Variants in RMND5A observed in about 807,000 individuals in gnomAD.
RMND5A encodes the protein E3 ubiquitin-protein transferase RMND5A.
Under a neutral mutation model 49.7 loss-of-function variants are expected in RMND5A, and 17 were observed. The observed-to-expected ratio is 0.34, with a 90% CI of 0.23 to 0.51. RMND5A has a LOEUF of 0.51. RMND5A is among the 20% of genes least tolerant of loss of function. The pLI is 0.96. For synonymous variants in RMND5A, 156 were observed against 167.7 expected, an observed-to-expected ratio of 0.93 and a Z score of 0.54; for missense variants, 255 against 471.3, an observed-to-expected ratio of 0.54 and a Z score of 4.25.
At chr2:86,761,573 G>A (rs1230248211) in intron 4 of RMND5A, among the ~76,000 whole-genome samples, 1 of 152,186 alleles carries the variant, frequency 6.6e-6, no homozygotes, top group African/African-American at 2.4e-5. Context: ...ATGACATTTT[G>A]CCAGGGAGGG....
At chr2:86,757,116 GT>G (rs1225543504) in intron 4 of RMND5A, among the ~76,000 whole-genome samples, 4 of 150,210 alleles carry the variant, frequency 2.7e-5, no homozygotes, top group Non-Finnish European at 5.9e-5. Context: ...GGAGGTTGCG[GT>G]GAGCCAAGAT....
Position 86,744,135 on chromosome 2 carries a change from T to G in RMND5A, c.285+3066T>G, listed in dbSNP as rs538469518. Reference sequence around the variant, plus strand: ...ACACACTCTCCCCGTATTTTTGGCATCTACTTGGCCTCAGCTGAAGAGGAA... The same window carrying G: ...ACACACTCTCCCCGTATTTTTGGCAGCTACTTGGCCTCAGCTGAAGAGGAA... On this transcript the variant is annotated intron_variant, in intron 2 of 8. Coordinates refer to ENST00000283632, the MANE Select transcript of RMND5A (RefSeq NM_022780.4). 2.0e-3 allele frequency among the ~76,000 whole-genome samples: 301 copies of G among 152,280 alleles called. 1 individual carries two copies. Among genetic ancestry groups the G allele is most frequent in the African/African-American group, 6.5e-3 (272 of 41,552 alleles).
intron 1 of RMND5A, 47 bp downstream of exon 1, chr2:86,720,856 C>G (rs1324815210): frequency 6.7e-7 from 1 of 1,503,048 alleles, no homozygotes; most frequent in African/African-American, 1.4e-5. Context: ...ACTGCCCGAG[C>G]CCCGGTCCCG....
intron 2 of RMND5A, among the ~76,000 whole-genome samples, chr2:86,746,925 G>A (rs1159139929): frequency 6.6e-6 from 1 of 152,168 alleles, no homozygotes; most frequent in Non-Finnish European, 1.5e-5. Flanking sequence ...GGAGAATATG[G>A]AATGTCTACA....
rs1264009565 is a variant in RMND5A, at chr2:86,777,622, T to C, written c.*4211T>C. On this transcript the variant is annotated 3_prime_UTR_variant, in exon 9 of 9. Transcript: ENST00000283632. ...TTGCTTACCCCGTGCTCTTGGGTTC[T>C]ATAGTATTTCTATAATTATGTAACG... 2 of 152,262 alleles carry C rather than the reference T, an allele frequency of 1.3e-5. No homozygotes were observed. The highest frequency in any genetic ancestry group is 2.4e-5 in the African/African-American group (1 of 41,474). The allele number at this position is 152,262 out of a possible 1,614,324, so 9.4% of individuals were successfully genotyped here. A position where few individuals can be genotyped will look rare whatever the true frequency, so the allele number is the denominator to read the frequency against.
In RMND5A at chr2:86,770,087, C is replaced by G; in HGVS notation, c.919C>G (p.Gln307Glu). The change falls in exon 7 of 9, where the codon CAG becomes GAG. Residue 307 changes from glutamine to glutamate, a missense_variant. By Grantham distance (29) the Gln-to-Glu change is conservative (BLOSUM62 2). Around this residue, in one of 3 missense-constraint regions of RMND5A, gnomAD observed 208 missense variants for 339.8 expected, o/e 0.61. Coordinates refer to ENST00000283632, the MANE Select transcript of RMND5A (RefSeq NM_022780.4). ...INIKAVIEQR[Q>E]CTGVWNQKDE... ...CATCAAAGCCGTGATTGAACAGAGG[C>G]AGTGTACTGGAGTTTGGAACCAGAA... 1 of 1,613,988 alleles carries G rather than the reference C, an allele frequency of 6.2e-7. No individual in the cohort carries two copies. The highest frequency in any genetic ancestry group is 1.7e-5 in the Admixed American group (1 of 60,022).
rs1399363869 is a variant in RMND5A at position 86,777,844 on chromosome 2, T to C, written c.*4433T>C. 1 of 152,204 alleles carries C rather than the reference T, an allele frequency of 6.6e-6. No individual in the cohort carries two copies. Among genetic ancestry groups the C allele is most frequent in the Non-Finnish European group, 1.5e-5 (1 of 68,036 alleles). The allele number at this position is 152,204 out of a possible 1,614,324, so 9.4% of individuals were successfully genotyped here. On this transcript the variant is annotated 3_prime_UTR_variant, in exon 9 of 9. Coordinates refer to ENST00000283632, the MANE Select transcript of RMND5A (RefSeq NM_022780.4). ...TCTGTTCATTTGATTTTGGAAAAAG[T>C]AGCATATCCAGTAGTTTCAGGGAAT...
chr2:86,762,847 C>T (rs946518622), intron 4 of RMND5A, among the ~76,000 whole-genome samples: 1 of 151,544 alleles, frequency 6.6e-6, no homozygotes, highest in African/African-American at 2.4e-5. Context: ...TCGAGACCAG[C>T]CTGGGCAACA....
At chr2:86,746,895 A>G (rs1681545675) in intron 2 of RMND5A, among the ~76,000 whole-genome samples, 1 of 152,250 alleles carries the variant, frequency 6.6e-6, no homozygotes, top group African/African-American at 2.4e-5. Context: ...ATAACCAAAG[A>G]AGAGGTATAA....
Position 86,770,106 on chromosome 2 carries a change from A to G in RMND5A, c.938A>G (p.Asn313Ser). 2 of 1,613,218 alleles carry G rather than the reference A, an allele frequency of 1.2e-6. No homozygotes were observed. The highest frequency in any genetic ancestry group is 4.5e-5 in the East Asian group (2 of 44,872). The change falls in exon 7 of 9, where the codon AAC becomes AGC. Residue 313 changes from asparagine to serine, a missense_variant. Physicochemically the swap from Asn to Ser is conservative, Grantham distance 46 (BLOSUM62 1). This residue lies in a region of RMND5A where 208 missense variants were observed against 339.8 expected (regional missense o/e 0.61). Transcript: ENST00000283632. ...IEQRQCTGVWNQKDELPIEVD... is the reference protein window; with the variant it reads ...IEQRQCTGVWSQKDELPIEVD... ...CAGAGGCAGTGTACTGGAGTTTGGAACCAGAAAGATGAATTACCTGTGAGT... is the reference window on the plus strand; with the variant it reads ...CAGAGGCAGTGTACTGGAGTTTGGAGCCAGAAAGATGAATTACCTGTGAGT...
intron 4 of RMND5A, among the ~76,000 whole-genome samples, chr2:86,764,760 G>A (rs115943802): frequency 0.039 from 5,965 of 152,292 alleles, 168 homozygotes; most frequent in Non-Finnish European, 0.062. Context: ...TCCTATGCAA[G>A]TTCAGATGCA....
rs543979003 is a variant in RMND5A at position 86,743,748 on chromosome 2, G to A, written c.285+2679G>A. On this transcript the variant is annotated intron_variant, in intron 2 of 8. Coordinates refer to ENST00000283632, the MANE Select transcript of RMND5A (RefSeq NM_022780.4). Reference sequence around the variant, plus strand: ...CACTTGTAATCCCAGCACTTTGGGAGGCCGAGGCAGGCGGATCACCTGAGG... The same window carrying A: ...CACTTGTAATCCCAGCACTTTGGGAAGCCGAGGCAGGCGGATCACCTGAGG... Among the ~76,000 whole-genome samples the A allele has an allele frequency of 4.2e-3, 645 of 152,228 alleles. 7 individuals carry two copies. Among genetic ancestry groups the A allele is most frequent in the African/African-American group, 0.015 (617 of 41,534 alleles).
chr2:86,721,677 G>A (rs976488091), intron 1 of RMND5A, among the ~76,000 whole-genome samples: 2 of 151,634 alleles, frequency 1.3e-5, no homozygotes, highest in Non-Finnish European at 1.5e-5. Context: ...TTACACTTTA[G>A]AAGTCACAGC....
Position 86,727,807 on chromosome 2 carries a change from T to A in RMND5A, c.142+6998T>A, listed in dbSNP as rs1159698373. Among the ~76,000 whole-genome samples, 2 of 53,814 alleles carry A rather than the reference T, an allele frequency of 3.7e-5. 1 individual carries two copies. The highest frequency in any genetic ancestry group is 7.3e-5 in the Non-Finnish European group (2 of 27,396). The allele number at this position is 53,814 out of a possible 152,430, so 35.3% of individuals were successfully genotyped here. ...ACACTTCTGGCCATTCTCTTTAGAT[T>A]AGATGTTAACTCAACCCTTCAGAGA... On this transcript the variant is annotated intron_variant, in intron 1 of 8. Coordinates refer to ENST00000283632, the MANE Select transcript of RMND5A (RefSeq NM_022780.4).
Position 86,766,757 on chromosome 2 carries a change from G to A in RMND5A, c.854+733G>A, listed in dbSNP as rs758868947. On this transcript the variant is annotated intron_variant, in intron 6 of 8. Transcript: ENST00000283632. Reference sequence around the variant, plus strand: ...AATTCCAGCACTTTGGGAGGCTGAGGTGGGGGGAATCTCTTGAGGCCAGGA... The same window carrying A: ...AATTCCAGCACTTTGGGAGGCTGAGATGGGGGGAATCTCTTGAGGCCAGGA... Among the ~76,000 whole-genome samples the A allele has an allele frequency of 9.1e-4, 139 of 152,144 alleles. 3 individuals are homozygous for A. The highest frequency in any genetic ancestry group is 3.9e-4 in the East Asian group (2 of 5,184).
At chr2:86,742,352 G>A (rs1375626061) in intron 2 of RMND5A, among the ~76,000 whole-genome samples, 2 of 151,992 alleles carry the variant, frequency 1.3e-5, no homozygotes, top group African/African-American at 2.4e-5. Context: ...GGGAGATTGA[G>A]ACTTTGGGGA....
At chr2:86,771,154 A>G (rs546840842) in intron 7 of RMND5A, 1 of 160,230 alleles carries the variant, frequency 6.2e-6, no homozygotes, top group African/African-American at 2.4e-5. Flanking sequence ...GAACAAGTGA[A>G]AAGAACTTGA....
intron 1 of RMND5A, 124 bp downstream of exon 1, chr2:86,720,933 C>T (rs1001629558): frequency 3.5e-6 from 3 of 846,050 alleles, no homozygotes; most frequent in Middle Eastern, 3.7e-4. Context: ...CCCTGAGGCG[C>T]GGAGGCCCCC....
chr2:86,771,220 G>T, intron 7 of RMND5A: 1 of 189,786 alleles, frequency 5.3e-6, no homozygotes, highest in Non-Finnish European at 1.1e-5. Flanking sequence ...TCCCATTTAT[G>T]TTGTAAGCAT....
Sources: allele counts gnomAD v4.1 joint callset (sites outside exome capture counted in the v4.1 genomes callset), GRCh38; gene constraint gnomAD v4.1.1; regional missense constraint gnomAD v4.1.1; transcripts MANE v1.5; gene names NCBI Gene and HGNC (gene_info 2026-07-23, HGNC 2026-07-21).